ZNF555: variants seen among roughly 807,000 people sequenced by gnomAD.
ZNF555 encodes zinc finger protein 555.
Under a neutral mutation model 14.0 loss-of-function variants are expected in ZNF555, and 10 were observed. The ratio of observed to expected loss-of-function variants is 0.72; its 90% confidence interval spans 0.44 to 1.21. The LOEUF (loss-of-function observed/expected upper bound fraction) is 1.21, where lower values mean the gene tolerates loss of function less well. Among genes scored for constraint, ZNF555 ranks in the 50% most tolerant of loss-of-function variants. The pLI, the probability that ZNF555 is intolerant of heterozygous loss-of-function variation, is 0.00. For synonymous variants in ZNF555, 277 were observed against 262.4 expected, an observed-to-expected ratio of 1.06 and a Z score of -0.54; for missense variants, 747 against 762.0, an observed-to-expected ratio of 0.98 and a Z score of 0.23.
At chr19:2,852,106 C>T (rs556895364) in intron 3 of ZNF555, among the ~76,000 whole-genome samples, 1 of 151,456 alleles carries the variant, frequency 6.6e-6, no homozygotes, top group Admixed American at 6.6e-5. Flanking sequence ...TAAGACTGCA[C>T]CACTGCACTC....
At chr19:2,841,647 G>C (rs375008449) in intron 1 of ZNF555, 72 bp downstream of exon 1, 108 of 1,428,266 alleles carry the variant, frequency 7.6e-5, no homozygotes, top group East Asian at 2.7e-4. Flanking sequence ...CCGCGGCTTG[G>C]GGGGAGCTGA....
intron 1 of ZNF555, 92 bp downstream of exon 1, chr19:2,841,667 G>C: frequency 2.2e-6 from 3 of 1,368,740 alleles, no homozygotes; most frequent in Non-Finnish European, 2.8e-6. Context: ...AGGGACGCGG[G>C]GGGCGGCCCC....
chr19:2,855,751 G>C lies in ZNF555; in HGVS notation c.*1799G>C, dbSNP rs895918686. On this transcript the variant is annotated 3_prime_UTR_variant, in exon 4 of 4. Coordinates refer to ENST00000334241, the MANE Select transcript of ZNF555 (RefSeq NM_152791.5). ...GACCATGCTTTTTCTGAAGATGCTA[G>C]GGAAGGATCTGTTTCAGAACTCACC... 2.0e-5 allele frequency: 3 copies of C among 152,130 alleles called. No individual in the cohort carries two copies. The highest frequency in any genetic ancestry group is 4.8e-5 in the African/African-American group (2 of 41,406). The allele number at this position is 152,130 out of a possible 1,614,324, so 9.4% of individuals were successfully genotyped here. A position where few individuals can be genotyped will look rare whatever the true frequency, so the allele number is the denominator to read the frequency against.
chr19:2,851,567 A>G lies in ZNF555; in HGVS notation c.230A>G (p.Asn77Ser), dbSNP rs1012281868. 6.2e-7 allele frequency: 1 copy of G among 1,612,990 alleles called. No homozygotes were observed. The highest frequency in any genetic ancestry group is 1.7e-5 in the Admixed American group (1 of 59,646). ...KESKIATFTRNVSWASVLGKI... is the reference protein window; with the variant it reads ...KESKIATFTRSVSWASVLGKI... Reference sequence around the variant, plus strand: ...TCTAAAATAGCCACGTTCACCAGAAATGTTTCCTGGGCCTCTGTTTTAGGA... The same window carrying G: ...TCTAAAATAGCCACGTTCACCAGAAGTGTTTCCTGGGCCTCTGTTTTAGGA... Residue 77 changes from asparagine to serine, a missense_variant, in exon 3 of 4, where the codon AAT (asparagine) becomes AGT (serine). Coordinates refer to ENST00000334241, the MANE Select transcript of ZNF555 (RefSeq NM_152791.5).
intron 1 of ZNF555, 122 bp downstream of exon 1, chr19:2,841,697 G>T (rs10412693): frequency 0.46 from 561,040 of 1,209,386 alleles, 132,008 homozygotes; most frequent in South Asian, 0.63. Context: ...GGCGCAGGAC[G>T]GGAGCCTGGG....
Position 2,859,412 on chromosome 19 carries a change from C to G in ZNF555, c.*5460C>G, listed in dbSNP as rs752524842. 1 of 152,010 alleles carries G rather than the reference C, an allele frequency of 6.6e-6. No individual in the cohort carries two copies. The highest frequency in any genetic ancestry group is 1.5e-5 in the Non-Finnish European group (1 of 68,024). 9.4% of individuals were successfully genotyped at this position (152,010 alleles called of 1,614,324 possible). On this transcript the variant is annotated 3_prime_UTR_variant, in exon 4 of 4. Coordinates refer to ENST00000334241, the MANE Select transcript of ZNF555 (RefSeq NM_152791.5). ...GATGGCAGATGTACTTGAGTAGACA[C>G]GACAGACGGGGAAGGACCCTGATGG...
chr19:2,852,160 A>G (rs1372879081), intron 3 of ZNF555, among the ~76,000 whole-genome samples: 1 of 144,924 alleles, frequency 6.9e-6, no homozygotes, highest in Non-Finnish European at 1.5e-5. Context: ...AAAAAAAAAA[A>G]GAAAGAAAGA....
chr19:2,853,236 G>A lies in ZNF555; in HGVS notation c.1171G>A (p.Gly391Ser). 1 of 1,613,210 alleles carries A rather than the reference G, an allele frequency of 6.2e-7. No homozygotes were observed. The highest frequency in any genetic ancestry group is 8.5e-7 in the Non-Finnish European group (1 of 1,179,806). The change falls in exon 4 of 4, where the codon GGT (glycine) becomes AGT (serine). Residue 391 changes from glycine (G) to serine (S), a missense_variant. Coordinates refer to ENST00000334241, the MANE Select transcript of ZNF555 (RefSeq NM_152791.5). ...QSFRRHERTH[G>S]GEKPYECNQC... ...CTTTCGAAGACATGAAAGGACTCAT[G>A]GTGGAGAGAAACCCTATGAATGCAA...
rs139146679 is a variant in ZNF555 at position 2,845,897 on chromosome 19, G to A, written c.3+4322G>A. On this transcript the variant is annotated intron_variant, in intron 1 of 3. Transcript: ENST00000334241. ...AGACCTGGGTGTCTTCCAGGGACAA[G>A]GCAGTGCCCTGAGTGCCAGGGTAAG... Among the ~76,000 whole-genome samples, 744 of 152,304 alleles carry A rather than the reference G, an allele frequency of 4.9e-3. 12 individuals carry two copies. Among genetic ancestry groups the A allele is most frequent in the African/African-American group, 0.017 (708 of 41,552 alleles).
At chr19:2,850,787 C>T (rs1599564622) in intron 2 of ZNF555, 74 bp downstream of exon 2, 5 of 1,578,792 alleles carry the variant, frequency 3.2e-6, no homozygotes, top group Non-Finnish European at 3.5e-6. Flanking sequence ...AGACCTGTTC[C>T]AAGGCTTGGA....
rs1292876459 is a variant in ZNF555, at chr19:2,856,501, G to C, written c.*2549G>C. 6.6e-6 allele frequency: 1 copy of C among 152,104 alleles called. No individual in the cohort carries two copies. Among genetic ancestry groups the C allele is most frequent in the Non-Finnish European group, 1.5e-5 (1 of 68,032 alleles). 9.4% of individuals were successfully genotyped at this position (152,104 alleles called of 1,614,324 possible). ...ATTACAGGCATGAGCCACCACACCC[G>C]GCCTAAAATGATTTCTTATTTGTGG... On this transcript the variant is annotated 3_prime_UTR_variant, in exon 4 of 4. Transcript: ENST00000334241.
chr19:2,843,395 G>T (rs2087555217), intron 1 of ZNF555, among the ~76,000 whole-genome samples: 1 of 152,000 alleles, frequency 6.6e-6, no homozygotes, highest in South Asian at 2.1e-4. Context: ...GAACTCCTGA[G>T]CTCAGGTGAT....
In ZNF555 at chr19:2,852,406, G is replaced by T. The variant is rs373956953; in HGVS notation, c.341G>T (p.Cys114Phe). Residue 114 changes from cysteine (C) to phenylalanine (F), a missense_variant, in exon 4 of 4, where the codon TGT becomes TTT. Transcript: ENST00000334241. Reference protein sequence around the residue: ...LSRNHGLERLCESNDQCGEAL... With the variant: ...LSRNHGLERLFESNDQCGEAL... Reference sequence around the variant, plus strand: ...AGAAATCATGGGTTGGAGAGACTCTGTGAAAGTAATGATCAATGTGGAGAA... The same window carrying T: ...AGAAATCATGGGTTGGAGAGACTCTTTGAAAGTAATGATCAATGTGGAGAA... 28 of 1,614,036 alleles carry T rather than the reference G, an allele frequency of 1.7e-5. No homozygotes were observed. Among genetic ancestry groups the T allele is most frequent in the South Asian group, 3.3e-5 (3 of 91,084 alleles).
At chr19:2,842,562 T>C (rs1412874487) in intron 1 of ZNF555, among the ~76,000 whole-genome samples, 1 of 152,142 alleles carries the variant, frequency 6.6e-6, no homozygotes, top group Non-Finnish European at 1.5e-5. Context: ...CAGTTCTGTT[T>C]TGAGTACTAG....
At position 2,854,203 on chromosome 19, in the gene ZNF555, T is replaced by C. The variant is rs981138647; in HGVS notation, c.*251T>C. ...ATTTCTTAAATTGTAACTGACTTAGTGTGACAGGTATTGGATATTACGTAT... is the reference window on the plus strand; with the variant it reads ...ATTTCTTAAATTGTAACTGACTTAGCGTGACAGGTATTGGATATTACGTAT... On this transcript the variant is annotated 3_prime_UTR_variant, in exon 4 of 4. Coordinates refer to ENST00000334241, the MANE Select transcript of ZNF555 (RefSeq NM_152791.5). The C allele has an allele frequency of 6.6e-5, 32 of 486,868 alleles. No individual in the cohort carries two copies. Among genetic ancestry groups the C allele is most frequent in the Middle Eastern group, 5.6e-4 (1 of 1,774 alleles). 30.2% of individuals were successfully genotyped at this position (486,868 alleles called of 1,614,324 possible).
chr19:2,841,509 G>A lies in ZNF555; in HGVS notation c.-64G>A. The stretch of plus-strand genomic sequence containing the variant: ...GTGAGTGCCCCGCCTGCCCCTAGCG[G>A]TCCCTGGCGTCCCGGTTCCTGTCGC... On this transcript the variant is annotated 5_prime_UTR_variant, in exon 1 of 4. Coordinates refer to ENST00000334241, the MANE Select transcript of ZNF555 (RefSeq NM_152791.5). The A allele has an allele frequency of 6.5e-7, 1 of 1,545,092 alleles. No homozygotes were observed. Among genetic ancestry groups the A allele is most frequent in the Non-Finnish European group, 8.7e-7 (1 of 1,144,302 alleles).
At chr19:2,842,764 C>A (rs1200146989) in intron 1 of ZNF555, among the ~76,000 whole-genome samples, 1 of 152,134 alleles carries the variant, frequency 6.6e-6, no homozygotes, top group Non-Finnish European at 1.5e-5. Context: ...ATTTCCAGGC[C>A]GGGCGCGGTG....
At position 2,850,690 on chromosome 19, in the gene ZNF555, C is replaced by A. The variant is rs576221767; in HGVS notation, c.107C>A (p.Thr36Asn). The change falls in exon 2 of 4, where the codon ACC becomes AAC. Residue 36 changes from threonine (T) to asparagine (N), a missense_variant. Transcript: ENST00000334241. Reference sequence around the variant, plus strand: ...CTCTACAGAGATGTGATGCTGGAGACCTTTCAGAACCTGGCCTCAGTAGGT... The same window carrying A: ...CTCTACAGAGATGTGATGCTGGAGAACTTTCAGAACCTGGCCTCAGTAGGT... Reference protein sequence around the residue: ...RDLYRDVMLETFQNLASVDDE... With the variant: ...RDLYRDVMLENFQNLASVDDE... The A allele has an allele frequency of 6.2e-7, 1 of 1,613,590 alleles. No individual in the cohort carries two copies. Among genetic ancestry groups the A allele is most frequent in the African/African-American group, 1.3e-5 (1 of 74,900 alleles).
chr19:2,844,207 A>G (rs757374543), intron 1 of ZNF555, among the ~76,000 whole-genome samples: 7 of 149,962 alleles, frequency 4.7e-5, no homozygotes, highest in South Asian at 2.1e-4. Flanking sequence ...TGTTCAAGCA[A>G]TTCTCCTGCC....
Sources: allele counts gnomAD v4.1 joint callset (sites outside exome capture counted in the v4.1 genomes callset), GRCh38; gene constraint gnomAD v4.1.1; transcripts MANE v1.5; gene names NCBI Gene and HGNC (gene_info 2026-07-23, HGNC 2026-07-21).